Variants in CAPN9 observed in about 807,000 individuals in gnomAD.
CAPN9 encodes the protein calpain 9, also known as calpain-9.
Under a neutral mutation model 92.8 loss-of-function variants are expected in CAPN9, and 81 were observed. The ratio of observed to expected loss-of-function variants is 0.87; its 90% confidence interval spans 0.73 to 1.05. The LOEUF (loss-of-function observed/expected upper bound fraction) is 1.05. Ranked by LOEUF, CAPN9 falls within the 50% of genes least tolerant of loss-of-function variation. CAPN9 has a pLI of 0.00. For missense variants in CAPN9, 848 were observed against 866.2 expected, an observed-to-expected ratio of 0.98 and a Z score of 0.26; for synonymous variants, 304 against 328.0, an observed-to-expected ratio of 0.93 and a Z score of 0.79.
At chr1:230,795,126 T>C (rs1299978120) in intron 17 of CAPN9, 37 bp from the exon 18 acceptor site, 6 of 1,350,094 alleles carry the variant, frequency 4.4e-6, no homozygotes, top group African/African-American at 2.9e-5. Flanking sequence ...GGGGCTCGGA[T>C]ACAGCGAGTC....
chr1:230,792,471 T>C lies in CAPN9; in HGVS notation c.1768T>C (p.Trp590Arg). 1 of 1,614,112 alleles carries C rather than the reference T, an allele frequency of 6.2e-7. No individual in the cohort carries two copies. Among genetic ancestry groups the C allele is most frequent in the Non-Finnish European group, 8.5e-7 (1 of 1,179,952 alleles). Residue 590 changes from tryptophan to arginine, a missense_variant, in exon 16 of 20, where the codon TGG (tryptophan) becomes CGG (arginine). By Grantham distance (101) the Trp-to-Arg change is moderately radical (BLOSUM62 -3). Transcript: ENST00000271971. ...GGAGTTTGATGAATTCAAAGTGTTC[T>C]GGGACAAGCTGAAGCAGTGGATTGT... ...KLEFDEFKVF[W>R]DKLKQWINLF...
Position 230,751,585 on chromosome 1 carries a change from CA to C in CAPN9, c.214-3749del, listed in dbSNP as rs1303559455. Among the ~76,000 whole-genome samples, 5 of 57,410 alleles carry C rather than the reference CA, an allele frequency of 8.7e-5. 1 individual carries two copies. Among genetic ancestry groups the C allele is most frequent in the African/African-American group, 1.6e-4 (2 of 12,444 alleles). The allele number at this position is 57,410 out of a possible 152,430, so 37.7% of individuals were successfully genotyped here. ...GAGAAAGAAAGAAAGAAGAAAGAAA[CA>C]AAGAAAGAAAGAAAGAAAGAAAGAG... On this transcript the variant is annotated intron_variant, in intron 1 of 19. Coordinates refer to ENST00000271971, the MANE Select transcript of CAPN9 (RefSeq NM_006615.3).
intron 9 of CAPN9, 57 bp from the exon 10 acceptor site, chr1:230,780,117 TGTGTG>T (rs778284601): frequency 3.4e-6 from 3 of 894,052 alleles, no homozygotes; most frequent in South Asian, 1.5e-5. Context: ...TGTGTGTGTG[TGTGTG>T]GTCTTTGTGG....
intron 4 of CAPN9, among the ~76,000 whole-genome samples, chr1:230,766,187 C>G (rs550725093): frequency 3.1e-4 from 47 of 152,314 alleles, no homozygotes; most frequent in African/African-American, 1.1e-3. Flanking sequence ...CCTGCAACTC[C>G]TGGGCTCAAG....
chr1:230,755,255 AG>A (rs1187445882), intron 1 of CAPN9, 81 bp from the exon 2 acceptor site: 112 of 1,108,424 alleles, frequency 1.0e-4, no homozygotes, highest in Admixed American at 6.1e-5. Context: ...GCCCCAAGAA[AG>A]CAGAGAGACC....
intron 19 of CAPN9, among the ~76,000 whole-genome samples, chr1:230,800,303 AAAGGAAAAAC>A (rs1668644213): frequency 1.4e-5 from 1 of 69,182 alleles, no homozygotes; most frequent in Non-Finnish European, 3.1e-5. Context: ...AGAAAGAAAG[AAAGGAAAAAC>A]AAGAGAGACC....
At chr1:230,778,480 T>C (rs1666975009) in intron 8 of CAPN9, among the ~76,000 whole-genome samples, 1 of 152,216 alleles carries the variant, frequency 6.6e-6, no homozygotes, top group African/African-American at 2.4e-5. Flanking sequence ...TATACCTATT[T>C]GATGTACTAT....
intron 3 of CAPN9, 33 bp downstream of exon 3, chr1:230,759,663 T>G: frequency 7.0e-7 from 1 of 1,435,434 alleles, no homozygotes; most frequent in Non-Finnish European, 9.6e-7. Flanking sequence ...TGGGTTTACC[T>G]CTCTGGGGCC....
intron 1 of CAPN9, among the ~76,000 whole-genome samples, 182 bp downstream of exon 1, chr1:230,747,891 A>T (rs1470812036): frequency 2.0e-5 from 3 of 152,118 alleles, no homozygotes; most frequent in African/African-American, 7.2e-5. Context: ...CAGGCCTGGG[A>T]TGCTCTGCGG....
At chr1:230,786,587 C>T (rs540955030) in intron 12 of CAPN9, among the ~76,000 whole-genome samples, 13 of 152,200 alleles carry the variant, frequency 8.5e-5, no homozygotes, top group African/African-American at 3.1e-4. Flanking sequence ...GTGGGTTTTG[C>T]AGCCTTTTGT....
chr1:230,781,549 C>A (rs1426535190), intron 11 of CAPN9, among the ~76,000 whole-genome samples: 5 of 152,214 alleles, frequency 3.3e-5, no homozygotes, highest in Non-Finnish European at 7.3e-5. Context: ...TCAGTTACTT[C>A]TATGGAAAAT....
chr1:230,754,475 A>G (rs1485501125), intron 1 of CAPN9, among the ~76,000 whole-genome samples: 1 of 151,998 alleles, frequency 6.6e-6, no homozygotes, highest in African/African-American at 2.4e-5. Flanking sequence ...TTTATATGGT[A>G]TAGATACATG....
chr1:230,767,420 C>T, intron 4 of CAPN9, 121 bp from the exon 5 acceptor site: 1 of 791,566 alleles, frequency 1.3e-6, no homozygotes, highest in Non-Finnish European at 2.0e-6. Context: ...TTCCACACCA[C>T]CCAGCCAGGG....
intron 4 of CAPN9, among the ~76,000 whole-genome samples, chr1:230,766,090 T>A (rs984497222): frequency 2.0e-5 from 3 of 151,686 alleles, no homozygotes; most frequent in African/African-American, 4.8e-5. Context: ...CACTCTTTTT[T>A]TTATTATTAT....
At chr1:230,747,862 G>C (rs1305905552) in intron 1 of CAPN9, among the ~76,000 whole-genome samples, 153 bp downstream of exon 1, 1 of 152,164 alleles carries the variant, frequency 6.6e-6, no homozygotes, top group African/African-American at 2.4e-5. Context: ...TTTGCAGTTT[G>C]GAGGCAGAAA....
At chr1:230,778,405 T>G (rs750418880) in intron 8 of CAPN9, among the ~76,000 whole-genome samples, 2 of 152,224 alleles carry the variant, frequency 1.3e-5, no homozygotes, top group Non-Finnish European at 2.9e-5. Context: ...CCATGGAGCA[T>G]GTGACTCCTC....
rs773189093 is a variant in CAPN9 at position 230,780,271 on chromosome 1, A to G, written c.1207A>G (p.Lys403Glu). ...TAGTTTCCTTGTAGCCCTGATGCAG[A>G]AAGATAGAAGGAAACTCAAGAGATT... ...ECSFLVALMQKDRRKLKRFGA... is the reference protein window; with the variant it reads ...ECSFLVALMQEDRRKLKRFGA... The change falls in exon 10 of 20, where the codon AAA (lysine) becomes GAA (glutamate). Residue 403 changes from lysine to glutamate, a missense_variant. By Grantham distance (56) the Lys-to-Glu change is moderately conservative. Transcript: ENST00000271971. 3.7e-6 allele frequency: 6 copies of G among 1,614,174 alleles called. No individual in the cohort carries two copies. The East Asian group carries it at 1.3e-4, about 36-fold the overall frequency.
chr1:230,751,609 GAGAAAGAAAGAAAGAAAGAAAGAA>G lies in CAPN9; in HGVS notation c.214-3675_214-3652del, dbSNP rs1168833010. On this transcript the variant is annotated intron_variant, in intron 1 of 19. Transcript: ENST00000271971. ...ACAAAGAAAGAAAGAAAGAAAGAAA[GAGAAAGAAAGAAAGAAAGAAAGAA>G]AGAAAGAAAGAAAGAAAGAAAGAAA... Among the ~76,000 whole-genome samples the G allele has an allele frequency of 5.4e-3, 173 of 31,884 alleles. 2 individuals carry two copies. The highest frequency in any genetic ancestry group is 7.6e-3 in the African/African-American group (50 of 6,556). 20.9% of individuals were successfully genotyped at this position (31,884 alleles called of 152,430 possible).
intron 4 of CAPN9, 116 bp from the exon 5 acceptor site, chr1:230,767,425 C>CCA: frequency 1.2e-6 from 1 of 829,664 alleles, no homozygotes; most frequent in Non-Finnish European, 1.8e-6. Flanking sequence ...CACCACCCAG[C>CCA]CAGGGCAAGC....
Sources: allele counts gnomAD v4.1 joint callset (sites outside exome capture counted in the v4.1 genomes callset), GRCh38; gene constraint gnomAD v4.1.1; transcripts MANE v1.5; gene names NCBI Gene and HGNC (gene_info 2026-07-23, HGNC 2026-07-21).